Variants in ZNF561 observed in about 807,000 individuals in gnomAD.
ZNF561 encodes zinc finger protein 561.
In ZNF561, 16 loss-of-function variants were observed where a neutral mutation model predicts 16.7. The ratio of observed to expected loss-of-function variants is 0.96; its 90% CI spans 0.65 to 1.45. The LOEUF (loss-of-function observed/expected upper bound fraction) is 1.45, where lower values mean the gene tolerates loss of function less well. ZNF561 is among the 40% of genes most tolerant of loss of function. The pLI, the probability that ZNF561 is intolerant of heterozygous loss-of-function variation, is 0.00. For missense variants in ZNF561, 580 were observed against 578.0 expected (o/e 1.00, Z -0.04); for synonymous variants, 190 against 192.1 (o/e 0.99, Z 0.09).
Position 9,610,298 on chromosome 19 carries a change from C to A in ZNF561, c.1363G>T (p.Gly455Trp), listed in dbSNP as rs2074421858. 1 of 1,614,170 alleles carries A rather than the reference C, an allele frequency of 6.2e-7. No homozygotes were observed. Among genetic ancestry groups the A allele is most frequent in the Non-Finnish European group, 8.5e-7 (1 of 1,180,008 alleles). Residue 455 changes from glycine to tryptophan, a missense_variant, in exon 6 of 6, where the codon GGG becomes TGG. By Grantham distance (184) the Gly-to-Trp change is radical. Coordinates refer to ENST00000302851, the MANE Select transcript of ZNF561 (RefSeq NM_152289.3). The stretch of plus-strand genomic sequence containing the variant: ...CGTGAGGAAACAGCAAATGCTTTCC[C>A]ACATTCTTTACATACGAAGGGTTTC... ...GEKPFVCKECGKAFAVSSRLS... is the reference protein window; with the variant it reads ...GEKPFVCKECWKAFAVSSRLS...
rs1250913593 is a variant in ZNF561 at position 9,619,497 on chromosome 19, G to A, written c.-41C>T. 2.5e-6 allele frequency: 4 copies of A among 1,610,566 alleles called. No individual in the cohort carries two copies. Among genetic ancestry groups the A allele is most frequent in the Non-Finnish European group, 3.4e-6 (4 of 1,177,612 alleles). On this transcript the variant is annotated 5_prime_UTR_variant, in exon 2 of 6. Coordinates refer to ENST00000302851, the MANE Select transcript of ZNF561 (RefSeq NM_152289.3). ...GTGTGATGATGTGCATCCCTTCCTT[G>A]ATGCCAAGATCACCTCAGGCCAGCT...
intron 4 of ZNF561, among the ~76,000 whole-genome samples, chr19:9,615,591 C>T (rs1022541943): frequency 3.3e-5 from 5 of 151,516 alleles, no homozygotes; most frequent in African/African-American, 7.3e-5. Context: ...GAGCAAGACC[C>T]TGTCACAAAA....
intron 5 of ZNF561, 28 bp downstream of exon 5, chr19:9,613,993 A>G (rs1489492632): frequency 1.2e-6 from 2 of 1,607,758 alleles, no homozygotes; most frequent in African/African-American, 1.3e-5. Context: ...AAGAGAGGAA[A>G]TTAAGAAATA....
chr19:9,620,386 G>A (rs1257906865), intron 1 of ZNF561, among the ~76,000 whole-genome samples: 2 of 152,058 alleles, frequency 1.3e-5, no homozygotes, highest in Non-Finnish European at 2.9e-5. Flanking sequence ...CACTGGGTCC[G>A]GCTAATTTTT....
In ZNF561 at chr19:9,610,385, A is replaced by G. The variant is rs2074424721; in HGVS notation, c.1276T>C (p.Cys426Arg). The part of the protein sequence containing the change: ...SGEKPFVCKI[C>R]GKAFLYSSRL... Reference sequence around the variant, plus strand: ...GAGGAATATAGAAATGCTTTCCCACATATCTTGCATACAAAGGGCTTTTCT... The same window carrying G: ...GAGGAATATAGAAATGCTTTCCCACGTATCTTGCATACAAAGGGCTTTTCT... The change falls in exon 6 of 6, where the codon TGT (cysteine) becomes CGT (arginine). Residue 426 changes from cysteine (C) to arginine (R), a missense_variant. Physicochemically the swap from Cys to Arg is radical, Grantham distance 180. Coordinates refer to ENST00000302851, the MANE Select transcript of ZNF561 (RefSeq NM_152289.3). The G allele has an allele frequency of 1.9e-6, 3 of 1,613,942 alleles. No homozygotes were observed. The highest frequency in any genetic ancestry group is 2.5e-6 in the Non-Finnish European group (3 of 1,179,920).
rs2074441616 is a variant in ZNF561, at chr19:9,610,938, C to T, written c.723G>A (p.Lys241=). 1 of 1,614,176 alleles carries T rather than the reference C, an allele frequency of 6.2e-7. No homozygotes were observed. The highest frequency in any genetic ancestry group is 1.3e-5 in the African/African-American group (1 of 75,054). ...GRAVTASSHL[K]QCVAVHTGKK... ...TTCCTGTATGAACTGCTACACACTG[C>T]TTTAGGTGTGAAGAAGCTGTGACAG... Residue 241 remains lysine, a synonymous_variant, in exon 6 of 6, where the codon AAG becomes AAA. Transcript: ENST00000302851.
intron 1 of ZNF561, among the ~76,000 whole-genome samples, chr19:9,619,805 T>C (rs1373451431): frequency 1.3e-5 from 2 of 152,180 alleles, no homozygotes; most frequent in South Asian, 2.1e-4. Flanking sequence ...CAGTTAATTA[T>C]CATAGCCATC....
chr19:9,613,922 C>T (rs1015949133), intron 5 of ZNF561, 99 bp downstream of exon 5: 7 of 1,439,620 alleles, frequency 4.9e-6, no homozygotes, highest in Non-Finnish European at 6.8e-6. Flanking sequence ...GCTGGGATTA[C>T]AGATGTAAGC....
At chr19:9,620,272 T>C (rs1423920202) in intron 1 of ZNF561, among the ~76,000 whole-genome samples, 1 of 152,110 alleles carries the variant, frequency 6.6e-6, no homozygotes, top group Admixed American at 6.5e-5. Flanking sequence ...GCATTTTTAG[T>C]AGAGACGCAG....
chr19:9,616,309 T>C (rs919826508), intron 4 of ZNF561, among the ~76,000 whole-genome samples: 5 of 152,134 alleles, frequency 3.3e-5, no homozygotes, highest in African/African-American at 1.2e-4. Flanking sequence ...TTAGACGAAG[T>C]ATCACTGTGT....
intron 2 of ZNF561, among the ~76,000 whole-genome samples, chr19:9,618,876 G>A (rs1214034888): frequency 1.3e-5 from 2 of 152,180 alleles, no homozygotes; most frequent in Non-Finnish European, 2.9e-5. Flanking sequence ...CAATACTTTG[G>A]GAGGCCAAGG....
Position 9,610,408 on chromosome 19 carries a change from T to C in ZNF561, c.1253A>G (p.Glu418Gly). Reference protein sequence around the residue: ...RSKHLKTHSGEKPFVCKICGK... With the variant: ...RSKHLKTHSGGKPFVCKICGK... ...ACATATCTTGCATACAAAGGGCTTT[T>C]CTCCACTATGAGTTTTCAAATGTTT... Residue 418 changes from glutamate to glycine, a missense_variant, in exon 6 of 6, where the codon GAA becomes GGA. Glu to Gly is a moderately conservative substitution (Grantham distance 98). Coordinates refer to ENST00000302851, the MANE Select transcript of ZNF561 (RefSeq NM_152289.3). 1 of 1,613,400 alleles carries C rather than the reference T, an allele frequency of 6.2e-7. No homozygotes were observed. The highest frequency in any genetic ancestry group is 8.5e-7 in the Non-Finnish European group (1 of 1,179,508).
intron 3 of ZNF561, 40 bp from the exon 4 acceptor site, chr19:9,617,211 C>A: frequency 6.3e-7 from 1 of 1,598,010 alleles, no homozygotes. Flanking sequence ...CCAATGAACA[C>A]TTCCACCAAT....
At chr19:9,616,921 A>T (rs2074565100) in intron 4 of ZNF561, 124 bp downstream of exon 4, 2 of 1,325,450 alleles carry the variant, frequency 1.5e-6, no homozygotes, top group East Asian at 5.1e-5. Context: ...GAGACAAGGT[A>T]TCACAATGTT....
At chr19:9,611,441 T>C in intron 5 of ZNF561, 105 bp from the exon 6 acceptor site, 2 of 1,215,054 alleles carry the variant, frequency 1.6e-6, no homozygotes, top group Non-Finnish European at 2.2e-6. Context: ...TTTTACTTTT[T>C]AATATTTAAT....
At chr19:9,620,507 T>C (rs1308567620) in intron 1 of ZNF561, among the ~76,000 whole-genome samples, 1 of 152,144 alleles carries the variant, frequency 6.6e-6, no homozygotes, top group Non-Finnish European at 1.5e-5. Flanking sequence ...ATAATAAGCA[T>C]AAGCCACGAT....
Position 9,610,416 on chromosome 19 carries a change from A to C in ZNF561, c.1245T>G (p.His415Gln). Residue 415 changes from histidine to glutamine, a missense_variant, in exon 6 of 6, where the codon CAT becomes CAG. His to Gln is a conservative substitution (Grantham distance 24). Coordinates refer to ENST00000302851, the MANE Select transcript of ZNF561 (RefSeq NM_152289.3). Reference protein sequence around the residue: ...SSRRSKHLKTHSGEKPFVCKI... With the variant: ...SSRRSKHLKTQSGEKPFVCKI... ...TGCATACAAAGGGCTTTTCTCCACT[A>C]TGAGTTTTCAAATGTTTACTACGAC... 6.2e-7 allele frequency: 1 copy of C among 1,612,686 alleles called. No homozygotes were observed. Among genetic ancestry groups the C allele is most frequent in the Non-Finnish European group, 8.5e-7 (1 of 1,178,986 alleles).
Position 9,610,654 on chromosome 19 carries a change from G to C in ZNF561, c.1007C>G (p.Pro336Arg). The C allele has an allele frequency of 6.2e-7, 1 of 1,614,138 alleles. No homozygotes were observed. The highest frequency in any genetic ancestry group is 8.5e-7 in the Non-Finnish European group (1 of 1,180,024). ...TTGGCCACATTCCTTACATTCATAG[G>C]GTTTTATTCCAGTGTGAGTTCTTAC... ...EHVRTHTGIK[P>R]YECKECGQAF... Residue 336 changes from proline (P) to arginine (R), a missense_variant, in exon 6 of 6, where the codon CCC (proline) becomes CGC (arginine). Physicochemically the swap from Pro to Arg is moderately radical, Grantham distance 103. Transcript: ENST00000302851.
Position 9,610,656 on chromosome 19 carries a change from T to G in ZNF561, c.1005A>C (p.Lys335Asn). Residue 335 changes from lysine (K) to asparagine (N), a missense_variant, in exon 6 of 6, where the codon AAA (lysine) becomes AAC (asparagine). By Grantham distance (94) the Lys-to-Asn change is moderately conservative (BLOSUM62 0). Transcript: ENST00000302851. ...GGCCACATTCCTTACATTCATAGGG[T>G]TTTATTCCAGTGTGAGTTCTTACAT... is the stretch of plus-strand genomic sequence containing the variant. The part of the protein sequence containing the change: ...TEHVRTHTGI[K>N]PYECKECGQA... 6.2e-7 allele frequency: 1 copy of G among 1,614,074 alleles called. No homozygotes were observed. Among genetic ancestry groups the G allele is most frequent in the South Asian group, 1.1e-5 (1 of 91,076 alleles).
Sources: allele counts gnomAD v4.1 joint callset (sites outside exome capture counted in the v4.1 genomes callset), GRCh38; gene constraint gnomAD v4.1.1; transcripts MANE v1.5; gene names NCBI Gene and HGNC (gene_info 2026-07-23, HGNC 2026-07-21).